Variants in UST observed in about 807,000 individuals in gnomAD.
UST encodes chondroitin sulfate 2-O-sulfotransferase.
UST carries 21 observed loss-of-function variants against 45.6 expected under a neutral mutation model. That is an observed-to-expected ratio of 0.46 (90% CI 0.33 to 0.66). UST has a LOEUF of 0.66. Ranked by LOEUF, UST falls within the 30% of genes least tolerant of loss-of-function variation. UST has a pLI of 0.02. For missense variants in UST, 463 were observed against 512.4 expected (o/e 0.90, Z 0.93); for synonymous variants, 215 against 200.6 (o/e 1.07, Z -0.61).
At chr6:148,905,034 C>T (rs1779329552) in intron 2 of UST, among the ~76,000 whole-genome samples, 1 of 152,228 alleles carries the variant, frequency 6.6e-6, no homozygotes, top group African/African-American at 2.4e-5. Flanking sequence ...AAGCCAAGTA[C>T]TCTCTCTCTG....
chr6:149,001,385 T>C (rs1175089127), intron 5 of UST, among the ~76,000 whole-genome samples: 1 of 152,208 alleles, frequency 6.6e-6, no homozygotes, highest in Non-Finnish European at 1.5e-5. Flanking sequence ...GATGTGATCC[T>C]TCATACTAAA....
At chr6:148,771,462 A>G (rs905357984) in intron 1 of UST, among the ~76,000 whole-genome samples, 2 of 152,208 alleles carry the variant, frequency 1.3e-5, no homozygotes, top group African/African-American at 4.8e-5. Flanking sequence ...GAGAGGTCTA[A>G]AGCAAAATGT....
intron 2 of UST, among the ~76,000 whole-genome samples, chr6:148,890,183 AT>A (rs1778987424): frequency 6.6e-6 from 1 of 152,186 alleles, no homozygotes; most frequent in South Asian, 2.1e-4. Context: ...ATGGGTAAAA[AT>A]ATTACTGGTA....
At chr6:148,773,518 T>A (rs535161270) in intron 1 of UST, among the ~76,000 whole-genome samples, 62 of 152,222 alleles carry the variant, frequency 4.1e-4, no homozygotes, top group African/African-American at 1.5e-3. Context: ...ATGTATGTAT[T>A]AAGAGTCTAA....
intron 5 of UST, among the ~76,000 whole-genome samples, chr6:148,977,250 A>G (rs1001985025): frequency 4.0e-5 from 6 of 151,884 alleles, no homozygotes; most frequent in African/African-American, 1.2e-4. Context: ...ATATTTATAT[A>G]TATACACACT....
intron 1 of UST, among the ~76,000 whole-genome samples, chr6:148,827,176 G>A (rs755025321): frequency 1.3e-5 from 2 of 152,170 alleles, no homozygotes; most frequent in African/African-American, 4.8e-5. Context: ...TTTGGGGTAC[G>A]CTGGCAAATG....
intron 2 of UST, among the ~76,000 whole-genome samples, chr6:148,890,933 C>T (rs1779006222): frequency 6.6e-6 from 1 of 152,148 alleles, no homozygotes; most frequent in African/African-American, 2.4e-5. Context: ...AGTACAAAAA[C>T]AAAAGCATGA....
chr6:148,890,368 A>G (rs987983036), intron 2 of UST, among the ~76,000 whole-genome samples: 4 of 152,152 alleles, frequency 2.6e-5, no homozygotes, highest in Non-Finnish European at 5.9e-5. Context: ...CATGCAGACG[A>G]TGAGGACTCA....
rs545288458 is a variant in UST at position 148,988,312 on chromosome 6, G to T, written c.681+23749G>T. On this transcript the variant is annotated intron_variant, in intron 5 of 7. Transcript: ENST00000367463. ...AAACAGGCTGGGTGCGGTGGCTCATGCCTGTAAGTCCAGCACTTTGGGAGG... is the reference window on the plus strand; with the variant it reads ...AAACAGGCTGGGTGCGGTGGCTCATTCCTGTAAGTCCAGCACTTTGGGAGG... Among the ~76,000 whole-genome samples the T allele has an allele frequency of 6.8e-4, 103 of 152,168 alleles. 1 individual carries two copies. The highest frequency in any genetic ancestry group is 1.9e-3 in the South Asian group (9 of 4,814).
At chr6:149,025,487 A>G (rs761171019) in intron 7 of UST, among the ~76,000 whole-genome samples, 1 of 152,188 alleles carries the variant, frequency 6.6e-6, no homozygotes, top group Non-Finnish European at 1.5e-5. Flanking sequence ...GCAGCTGCTG[A>G]TATTAGGACA....
intron 7 of UST, among the ~76,000 whole-genome samples, chr6:149,022,620 A>G (rs543554967): frequency 7.9e-5 from 12 of 152,150 alleles, no homozygotes; most frequent in African/African-American, 2.2e-4. Context: ...AAAGAAAGAA[A>G]GAAGGAAGCA....
intron 2 of UST, among the ~76,000 whole-genome samples, chr6:148,908,195 G>C (rs537324074): frequency 2.0e-4 from 31 of 152,160 alleles, no homozygotes; most frequent in African/African-American, 7.2e-4. Flanking sequence ...TTTGGCTCGA[G>C]TCAAATCAAT....
At chr6:149,017,514 TG>T (rs1247110448) in intron 5 of UST, among the ~76,000 whole-genome samples, 1 of 152,226 alleles carries the variant, frequency 6.6e-6, no homozygotes, top group African/African-American at 2.4e-5. Flanking sequence ...TCGTGTGCTG[TG>T]TCTCCTTCCA....
chr6:148,784,226 A>C (rs1005259287), intron 1 of UST, among the ~76,000 whole-genome samples: 2 of 152,166 alleles, frequency 1.3e-5, no homozygotes, highest in Admixed American at 1.3e-4. Flanking sequence ...AAATATATTA[A>C]ATTTTAACTA....
intron 5 of UST, among the ~76,000 whole-genome samples, chr6:148,971,836 T>C (rs1780924638): frequency 6.6e-6 from 1 of 152,222 alleles, no homozygotes; most frequent in African/African-American, 2.4e-5. Flanking sequence ...CTGAATCTTT[T>C]ACATTTTGTG....
chr6:149,033,507 A>G (rs1412506732), intron 7 of UST, among the ~76,000 whole-genome samples: 1 of 152,260 alleles, frequency 6.6e-6, no homozygotes, highest in Non-Finnish European at 1.5e-5. Context: ...CTAGAAATAT[A>G]CCTGTGTATA....
At chr6:148,821,981 G>A (rs1049618762) in intron 1 of UST, among the ~76,000 whole-genome samples, 11 of 152,080 alleles carry the variant, frequency 7.2e-5, no homozygotes, top group African/African-American at 1.9e-4. Context: ...TCCTTTGAGC[G>A]GTTCCCTTAC....
chr6:148,926,949 G>T (rs1371141560), intron 2 of UST, among the ~76,000 whole-genome samples: 2 of 150,776 alleles, frequency 1.3e-5, no homozygotes, highest in African/African-American at 2.4e-5. Context: ...TTGAAAAAAT[G>T]TTTTTTTTTC....
intron 2 of UST, among the ~76,000 whole-genome samples, chr6:148,913,210 A>C (rs759067676): frequency 2.6e-5 from 4 of 152,148 alleles, no homozygotes; most frequent in Non-Finnish European, 5.9e-5. Context: ...TTAAGCAAGG[A>C]AAATCCCGTC....
Sources: gnomAD v4.1 joint callset for allele counts (sites outside exome capture counted in the v4.1 genomes callset) on GRCh38, gnomAD v4.1.1 for gene constraint, MANE v1.5 for transcripts, NCBI Gene and HGNC (gene_info 2026-07-23, HGNC 2026-07-21) for gene names.